RBFOX1: variants seen among roughly 807,000 people sequenced by gnomAD.
The protein encoded by RBFOX1 is RNA binding fox-1 homolog 1.
Under a neutral mutation model 57.7 loss-of-function variants are expected in RBFOX1, and 8 were observed. That is an observed-to-expected ratio of 0.14 (90% CI 0.08 to 0.25). The LOEUF (loss-of-function observed/expected upper bound fraction) is 0.25. Ranked by LOEUF, RBFOX1 falls within the 10% of genes least tolerant of loss-of-function variation. The pLI, the probability that RBFOX1 is intolerant of heterozygous loss-of-function variation, is 1.00. For missense variants in RBFOX1, 611 were observed against 548.5 expected (o/e 1.11, Z -1.14); for synonymous variants, 326 against 222.4 (o/e 1.47, Z -4.15).
chr16:5,414,870 C>G (rs1256841097), intron 1 of RBFOX1, among the ~76,000 whole-genome samples: 1 of 152,152 alleles, frequency 6.6e-6, no homozygotes, highest in Admixed American at 6.5e-5. Context: ...AAGGAGCCAG[C>G]AGGGATGGAG....
chr16:7,438,297 T>A (rs1014988187), intron 4 of RBFOX1, among the ~76,000 whole-genome samples: 2 of 152,068 alleles, frequency 1.3e-5, no homozygotes, highest in Admixed American at 6.6e-5. Flanking sequence ...GGATGGAGAT[T>A]GTAAAGTGGA....
intron 3 of RBFOX1, among the ~76,000 whole-genome samples, chr16:7,005,141 T>C (rs2093184755): frequency 6.6e-6 from 1 of 151,930 alleles, no homozygotes; most frequent in African/African-American, 2.4e-5. Flanking sequence ...CGAGATTCCA[T>C]CTCAAAAACA....
chr16:6,647,703 T>A (rs1445768564), intron 2 of RBFOX1, among the ~76,000 whole-genome samples: 2 of 152,198 alleles, frequency 1.3e-5, no homozygotes, highest in African/African-American at 4.8e-5. Flanking sequence ...AAAATGTTGA[T>A]TCTGATTCGA....
At chr16:5,907,766 T>G (rs80280716) in intron 4 of RBFOX1, among the ~76,000 whole-genome samples, 1 of 132,190 alleles carries the variant, frequency 7.6e-6, no homozygotes, top group East Asian at 2.0e-4. Context: ...TCATCATCAT[T>G]TGAGATGGCA....
chr16:7,163,638 G>T, intron 4 of RBFOX1, among the ~76,000 whole-genome samples: 1 of 151,558 alleles, frequency 6.6e-6, no homozygotes, highest in South Asian at 2.1e-4. Flanking sequence ...TTTTATTTAT[G>T]TGTTTTTCTG....
intron 1 of RBFOX1, among the ~76,000 whole-genome samples, chr16:6,209,896 C>G (rs2097281661): frequency 6.6e-6 from 1 of 152,198 alleles, no homozygotes; most frequent in Non-Finnish European, 1.5e-5. Flanking sequence ...TGCTTAATTC[C>G]TGCTTAAGCA....
Position 7,292,620 on chromosome 16 carries a change from C to G in RBFOX1, c.28-225527C>G, listed in dbSNP as rs532127542. On this transcript the variant is annotated intron_variant, in intron 4 of 15. Transcript: ENST00000550418. ...AGGGTATAGGAGGTAAGAGACCTAA[C>G]AAAGCACGAAGTGATGCCAAGCGAG... Among the ~76,000 whole-genome samples, 36 of 150,986 alleles carry G rather than the reference C, an allele frequency of 2.4e-4. 1 individual carries two copies. The highest frequency in any genetic ancestry group is 6.3e-4 in the South Asian group (3 of 4,786).
chr16:6,285,702 A>C (rs141334815), intron 1 of RBFOX1, among the ~76,000 whole-genome samples: 1 of 152,036 alleles, frequency 6.6e-6, no homozygotes, highest in African/African-American at 2.4e-5. Flanking sequence ...ATATCCTGCA[A>C]CCTCCATGGC....
intron 4 of RBFOX1, among the ~76,000 whole-genome samples, chr16:7,292,041 G>A (rs1259630882): frequency 9.5e-5 from 7 of 73,680 alleles, no homozygotes; most frequent in Middle Eastern, 6.0e-3. Context: ...TACAATTATA[G>A]TATATATTAC....
chr16:7,200,881 T>G (rs1306339662), intron 4 of RBFOX1, among the ~76,000 whole-genome samples: 2 of 152,156 alleles, frequency 1.3e-5, no homozygotes, highest in Non-Finnish European at 1.5e-5. Flanking sequence ...GCAACTTCGT[T>G]GGTGGAATCT....
rs138730879 is a variant in RBFOX1, at chr16:7,684,432, A to G, written c.995+7594A>G. On this transcript the variant is annotated intron_variant, in intron 14 of 15. Coordinates refer to ENST00000550418, the MANE Select transcript of RBFOX1 (RefSeq NM_018723.4). ...CTTTTTTTCCAAGCTAATTATTGATACATTATGATGTGTGACTGTTCAAAT... is the reference window on the plus strand; with the variant it reads ...CTTTTTTTCCAAGCTAATTATTGATGCATTATGATGTGTGACTGTTCAAAT... 1.8e-4 allele frequency among the ~76,000 whole-genome samples: 28 copies of G among 152,238 alleles called. 1 individual carries two copies. Among genetic ancestry groups the G allele is most frequent in the African/African-American group, 6.7e-4 (28 of 41,560 alleles).
intron 3 of RBFOX1, among the ~76,000 whole-genome samples, chr16:6,948,673 C>G (rs555381802): frequency 6.6e-6 from 1 of 152,044 alleles, no homozygotes; most frequent in Admixed American, 6.6e-5. Flanking sequence ...TGAGCCACCA[C>G]GCCTGGCGTT....
At chr16:7,695,390 A>G (rs934991615) in intron 14 of RBFOX1, among the ~76,000 whole-genome samples, 1 of 94,218 alleles carries the variant, frequency 1.1e-5, no homozygotes, top group African/African-American at 3.7e-5. Context: ...ATCATCTCCT[A>G]CATGCTGAAA....
chr16:5,446,185 T>C (rs754605152), intron 1 of RBFOX1, among the ~76,000 whole-genome samples: 2 of 151,928 alleles, frequency 1.3e-5, no homozygotes, highest in Non-Finnish European at 2.9e-5. Context: ...AAAGGGACAA[T>C]AGGAGTCTAG....
chr16:6,371,820 A>G lies in RBFOX1; in HGVS notation c.-64+54763A>G, dbSNP rs117990929. Reference sequence around the variant, plus strand: ...AATTTGTTAATCCTTCCTAAGGATTATGTTCTTCCCAACAGGATACATTAT... The same window carrying G: ...AATTTGTTAATCCTTCCTAAGGATTGTGTTCTTCCCAACAGGATACATTAT... On this transcript the variant is annotated intron_variant, in intron 2 of 15. Coordinates refer to ENST00000550418, the MANE Select transcript of RBFOX1 (RefSeq NM_018723.4). Among the ~76,000 whole-genome samples, 592 of 152,346 alleles carry G rather than the reference A, an allele frequency of 3.9e-3. 2 individuals are homozygous for G. The highest frequency in any genetic ancestry group is 6.0e-3 in the Non-Finnish European group (411 of 68,024).
At chr16:5,764,363 C>T (rs1036655364) in intron 3 of RBFOX1, among the ~76,000 whole-genome samples, 3 of 152,210 alleles carry the variant, frequency 2.0e-5, no homozygotes, top group Non-Finnish European at 4.4e-5. Context: ...CTTTCTTCAC[C>T]AGAAGCTGAG....
chr16:6,655,574 C>T (rs980029907), intron 3 of RBFOX1, among the ~76,000 whole-genome samples: 3 of 151,852 alleles, frequency 2.0e-5, no homozygotes, highest in African/African-American at 7.3e-5. Flanking sequence ...GAAAAGCAAC[C>T]GTTAGACAAT....
intron 4 of RBFOX1, among the ~76,000 whole-genome samples, chr16:7,314,196 A>C (rs991404604): frequency 6.6e-6 from 1 of 152,172 alleles, no homozygotes; most frequent in African/African-American, 2.4e-5. Context: ...ACCAATTCCA[A>C]TCCCCAAATC....
chr16:5,878,145 G>C (rs1328702811), intron 4 of RBFOX1, among the ~76,000 whole-genome samples: 2 of 152,160 alleles, frequency 1.3e-5, no homozygotes, highest in East Asian at 1.9e-4. Context: ...AAGGGGTAGG[G>C]GATGAGGGAA....
Sources: allele counts gnomAD v4.1 joint callset (sites outside exome capture counted in the v4.1 genomes callset), GRCh38; gene constraint gnomAD v4.1.1; transcripts MANE v1.5; gene names NCBI Gene and HGNC (gene_info 2026-07-23, HGNC 2026-07-21).